The following KIF16B variants were observed in gnomAD, a reference collection of about 807,000 sequenced individuals.
The protein encoded by KIF16B is kinesin family member 16B, also known as kinesin-like protein KIF16B.
KIF16B carries 98 observed loss-of-function variants against 156.3 expected under a neutral mutation model. The observed-to-expected ratio is 0.63, with a 90% CI of 0.53 to 0.74. The LOEUF (loss-of-function observed/expected upper bound fraction) is 0.74, where lower values mean the gene tolerates loss of function less well. KIF16B is among the 30% of genes least tolerant of loss of function. The pLI is 0.00. For synonymous variants in KIF16B, 564 were observed against 583.7 expected, an observed-to-expected ratio of 0.97 and a Z score of 0.49; for missense variants, 1,421 against 1,606.5, an observed-to-expected ratio of 0.88 and a Z score of 1.97.
rs1555784394 is a variant in KIF16B at position 16,482,776 on chromosome 20, AAT to A, written c.1302+11513_1302+11514del. Among the ~76,000 whole-genome samples the A allele has an allele frequency of 6.6e-5, 10 of 152,206 alleles. 1 individual carries two copies. The South Asian group carries it at 8.3e-4, about 13-fold the overall frequency. ...TCATGTGCATCTCCTGTTTGCCTTGAATATATATGACACTATAGTAAGTGTCC... is the reference window on the plus strand; with the variant it reads ...TCATGTGCATCTCCTGTTTGCCTTGAATATATGACACTATAGTAAGTGTCC... On this transcript the variant is annotated intron_variant, in intron 12 of 25. Coordinates refer to ENST00000354981, the MANE Select transcript of KIF16B (RefSeq NM_024704.5).
chr20:16,367,368 TTTC>T, intron 22 of KIF16B: 1 of 1,612,928 alleles, frequency 6.2e-7, no homozygotes, highest in Non-Finnish European at 8.5e-7. Flanking sequence ...TTGACACATT[TTTC>T]TTTTCTGGAA....
At chr20:16,307,928 G>C (rs1169295680) in intron 25 of KIF16B, among the ~76,000 whole-genome samples, 1 of 151,918 alleles carries the variant, frequency 6.6e-6, no homozygotes, top group African/African-American at 2.4e-5. Context: ...TATATACTAT[G>C]TATGTGTGTA....
chr20:16,471,109 C>A (rs1207479299), intron 12 of KIF16B, among the ~76,000 whole-genome samples: 2 of 152,126 alleles, frequency 1.3e-5, no homozygotes, highest in South Asian at 2.1e-4. Context: ...GAGAGCTAAC[C>A]ATCATGAAAT....
rs758166377 is a variant in KIF16B, at chr20:16,504,349, C to T, written c.1176+23G>A. 17 of 1,609,882 alleles carry T rather than the reference C, an allele frequency of 1.1e-5. No homozygotes were observed. In the South Asian group the frequency reaches 1.7e-4, roughly 16 times the overall value. On this transcript the variant is annotated intron_variant, in intron 10 of 25. Transcript: ENST00000354981. ...ATGCCATTACTCAAAGAAAATTATCCATAAATCTCAGAAAAACCCAACCTG... is the reference window on the plus strand; with the variant it reads ...ATGCCATTACTCAAAGAAAATTATCTATAAATCTCAGAAAAACCCAACCTG...
chr20:16,337,653 T>C (rs1441722076), intron 23 of KIF16B, among the ~76,000 whole-genome samples: 3 of 152,322 alleles, frequency 2.0e-5, no homozygotes, highest in Non-Finnish European at 4.4e-5. Flanking sequence ...GAAACCCTGC[T>C]CCTGGCTGTG....
intron 17 of KIF16B, among the ~76,000 whole-genome samples, chr20:16,398,200 G>A (rs1439641961): frequency 6.6e-6 from 1 of 152,204 alleles, no homozygotes; most frequent in Non-Finnish European, 1.5e-5. Context: ...GGGAAGAAGA[G>A]GGGGAAGGCG....
At chr20:16,372,859 G>A (rs764901372) in intron 20 of KIF16B, among the ~76,000 whole-genome samples, 4 of 152,092 alleles carry the variant, frequency 2.6e-5, no homozygotes, top group African/African-American at 7.2e-5. Flanking sequence ...CACCACACCC[G>A]GCTAATTTTC....
chr20:16,376,609 C>G (rs1462808750), intron 19 of KIF16B, among the ~76,000 whole-genome samples: 1 of 152,236 alleles, frequency 6.6e-6, no homozygotes, highest in Non-Finnish European at 1.5e-5. Context: ...TTAGCTAAGT[C>G]TATTTCATCA....
intron 1 of KIF16B, among the ~76,000 whole-genome samples, chr20:16,544,625 A>AAC (rs1555798848): frequency 2.0e-5 from 3 of 151,410 alleles, no homozygotes; most frequent in East Asian, 1.9e-4. Context: ...AAAAAAAAAA[A>AAC]AAAAAACTTC....
At chr20:16,519,986 G>C (rs1296248177) in intron 3 of KIF16B, among the ~76,000 whole-genome samples, 3 of 152,156 alleles carry the variant, frequency 2.0e-5, no homozygotes, top group Admixed American at 1.3e-4. Flanking sequence ...GGTGCATTCA[G>C]GCCCAAATAT....
chr20:16,566,221 T>G (rs974504224), intron 1 of KIF16B, among the ~76,000 whole-genome samples: 1 of 152,226 alleles, frequency 6.6e-6, no homozygotes, highest in Non-Finnish European at 1.5e-5. Context: ...CAGAATCCAA[T>G]CGCCATGGGT....
At chr20:16,356,305 C>G (rs762403964) in intron 23 of KIF16B, 25 bp downstream of exon 23, 6 of 1,613,872 alleles carry the variant, frequency 3.7e-6, no homozygotes, top group Non-Finnish European at 1.7e-6. Flanking sequence ...CCTCCATTCT[C>G]CAGAAGAGTC....
chr20:16,388,185 A>C (rs552322893), intron 17 of KIF16B, among the ~76,000 whole-genome samples: 4 of 152,374 alleles, frequency 2.6e-5, no homozygotes, highest in African/African-American at 9.6e-5. Context: ...AATCACAAAC[A>C]GTATGAGGGG....
intron 12 of KIF16B, among the ~76,000 whole-genome samples, chr20:16,474,920 A>C (rs779314903): frequency 3.3e-5 from 5 of 152,214 alleles, no homozygotes; most frequent in Non-Finnish European, 7.3e-5. Context: ...CACCTGCAAC[A>C]ATTTATTTCA....
chr20:16,485,870 T>A (rs976746608), intron 12 of KIF16B, among the ~76,000 whole-genome samples: 3 of 152,166 alleles, frequency 2.0e-5, no homozygotes, highest in African/African-American at 7.2e-5. Context: ...TACACACATA[T>A]ATATACACAT....
At chr20:16,369,835 T>G (rs1770819320) in intron 22 of KIF16B, among the ~76,000 whole-genome samples, 1 of 152,190 alleles carries the variant, frequency 6.6e-6, no homozygotes, top group Non-Finnish European at 1.5e-5. Flanking sequence ...ACTGTGCACC[T>G]GCTATGTGCC....
At chr20:16,434,823 A>AT (rs1231161573) in intron 12 of KIF16B, among the ~76,000 whole-genome samples, 1 of 152,130 alleles carries the variant, frequency 6.6e-6, no homozygotes, top group African/African-American at 2.4e-5. Flanking sequence ...AGCGAGTAGA[A>AT]TTTTGTAGAG....
At chr20:16,449,440 A>G (rs543664680) in intron 12 of KIF16B, among the ~76,000 whole-genome samples, 2 of 152,360 alleles carry the variant, frequency 1.3e-5, no homozygotes, top group South Asian at 4.1e-4. Context: ...GAAAAGATCA[A>G]GAGCAAAATA....
intron 12 of KIF16B, among the ~76,000 whole-genome samples, chr20:16,470,695 C>A (rs1430504648): frequency 1.3e-5 from 2 of 150,228 alleles, no homozygotes; most frequent in East Asian, 3.9e-4. Flanking sequence ...CAGGGTTTCA[C>A]CATGTTGCCC....
Sources: gnomAD v4.1 joint callset for allele counts (sites outside exome capture counted in the v4.1 genomes callset) on GRCh38, gnomAD v4.1.1 for gene constraint, MANE v1.5 for transcripts, NCBI Gene and HGNC (gene_info 2026-07-23, HGNC 2026-07-21) for gene names.